Variants in SNRPA observed in about 807,000 individuals in gnomAD.
SNRPA encodes small nuclear ribonucleoprotein polypeptide A.
In SNRPA, 10 loss-of-function variants were observed where a neutral mutation model predicts 24.5. The ratio of observed to expected loss-of-function variants is 0.41; its 90% CI spans 0.25 to 0.69. The LOEUF (loss-of-function observed/expected upper bound fraction) is 0.69, where lower values mean the gene tolerates loss of function less well. SNRPA is among the 30% of genes least tolerant of loss of function. SNRPA has a pLI of 0.33. For missense variants in SNRPA, 283 were observed against 394.7 expected (o/e 0.72, Z 2.40); for synonymous variants, 165 against 148.4 (o/e 1.11, Z -0.81).
intron 5 of SNRPA, 78 bp downstream of exon 5, chr19:40,763,753 T>C: frequency 8.2e-7 from 1 of 1,215,300 alleles, no homozygotes; most frequent in Non-Finnish European, 1.2e-6. Flanking sequence ...GCCTCAGAAC[T>C]CTGCCAGCAG....
At chr19:40,764,704 G>GTTATTTT (rs2082946957) in intron 5 of SNRPA, among the ~76,000 whole-genome samples, 1 of 152,198 alleles carries the variant, frequency 6.6e-6, no homozygotes, top group Non-Finnish European at 1.5e-5. Flanking sequence ...GAGGGTATTG[G>GTTATTTT]TTATTTTTTT....
chr19:40,760,183 CA>C (rs1355390695), intron 3 of SNRPA, among the ~76,000 whole-genome samples: 3 of 152,128 alleles, frequency 2.0e-5, no homozygotes, highest in Non-Finnish European at 4.4e-5. Context: ...CCACTCCACC[CA>C]GCTAACTTTT....
chr19:40,760,120 A>G (rs974320878), intron 3 of SNRPA, among the ~76,000 whole-genome samples: 6 of 152,102 alleles, frequency 3.9e-5, no homozygotes, highest in African/African-American at 7.2e-5. Context: ...TCCGCCTCCC[A>G]GGCTCAAGTG....
At chr19:40,757,107 A>C in intron 1 of SNRPA, 3 of 550,712 alleles carry the variant, frequency 5.4e-6, no homozygotes, top group Middle Eastern at 5.0e-4. Flanking sequence ...ATGTATGTGC[A>C]CATGTTCATT....
chr19:40,763,572 C>G lies in SNRPA; in HGVS notation c.601-15C>G, dbSNP rs1416328956. 1 of 1,612,602 alleles carries G rather than the reference C, an allele frequency of 6.2e-7. No homozygotes were observed. The highest frequency in any genetic ancestry group is 1.1e-5 in the South Asian group (1 of 91,032). On this transcript the variant is annotated splice_polypyrimidine_tract_variant and intron_variant, in intron 4 of 5. Transcript: ENST00000243563. Reference sequence around the variant, plus strand: ...CAGGGCTCTTGTGCTCACCGACTCCCCTATACCCCCGCAGCTTTCTGAGAA... The same window carrying G: ...CAGGGCTCTTGTGCTCACCGACTCCGCTATACCCCCGCAGCTTTCTGAGAA...
rs1290243486 is a variant in SNRPA at position 40,762,963 on chromosome 19, C to T, written c.489C>T (p.Tyr163=). The T allele has an allele frequency of 6.2e-7, 1 of 1,613,748 alleles. No homozygotes were observed. The highest frequency in any genetic ancestry group is 1.1e-5 in the South Asian group (1 of 91,072). ...ACCACATGCCGGGCCAGCCGCCCTA[C>T]ATGCCGCCCCCTGGTATGATCCCCC... ...IMHHMPGQPP[Y]MPPPGMIPPP... is the part of the protein sequence containing the mutation. Residue 163 remains tyrosine (Y), a synonymous_variant, in exon 4 of 6, where the codon TAC becomes TAT. Coordinates refer to ENST00000243563, the MANE Select transcript of SNRPA (RefSeq NM_004596.5).
intron 1 of SNRPA, chr19:40,757,118 A>G (rs1450645416): frequency 1.8e-6 from 1 of 568,790 alleles, no homozygotes; most frequent in Admixed American, 3.1e-5. Flanking sequence ...CATGTTCATT[A>G]TATAGCAGCT....
Position 40,757,520 on chromosome 19 carries a change from A to G in SNRPA, c.246+16A>G, listed in dbSNP as rs999988664. On this transcript the variant is annotated intron_variant, in intron 2 of 5. Transcript: ENST00000243563. ...CAAACCTATGGTGAGCATTGCGGGT[A>G]CGGAGGCTGTGTGGGTGTGTAAAAT... is the stretch of plus-strand genomic sequence containing the variant. 1 of 1,600,694 alleles carries G rather than the reference A, an allele frequency of 6.2e-7. No individual in the cohort carries two copies. Among genetic ancestry groups the G allele is most frequent in the Non-Finnish European group, 8.5e-7 (1 of 1,172,724 alleles).
At chr19:40,751,810 T>C (rs1050059335) in intron 1 of SNRPA, among the ~76,000 whole-genome samples, 8 of 152,140 alleles carry the variant, frequency 5.3e-5, no homozygotes, top group Non-Finnish European at 4.4e-5. Context: ...CTCTGAGCTG[T>C]CGTGGGGCTC....
rs1436573188 is a variant in SNRPA at position 40,753,382 on chromosome 19, ATGTTTTTTTT to A, written c.73+1903_73+1912del. On this transcript the variant is annotated intron_variant, in intron 1 of 5. Coordinates refer to ENST00000243563, the MANE Select transcript of SNRPA (RefSeq NM_004596.5). Reference sequence around the variant, plus strand: ...AAAATCAGGAGTGTAAATTTTGCATATGTTTTTTTTTTTTTTTTTTTTTTTTTTTTTTGAG... The same window carrying A: ...AAAATCAGGAGTGTAAATTTTGCATATTTTTTTTTTTTTTTTTTTTTTGAG... Among the ~76,000 whole-genome samples, 45 of 62,210 alleles carry A rather than the reference ATGTTTTTTTT, an allele frequency of 7.2e-4. 1 individual carries two copies. The highest frequency in any genetic ancestry group is 1.8e-3 in the African/African-American group (33 of 18,304). The allele number at this position is 62,210 out of a possible 152,430, so 40.8% of individuals were successfully genotyped here. A position where few individuals can be genotyped will look rare whatever the true frequency, so the allele number is the denominator to read the frequency against.
intron 1 of SNRPA, among the ~76,000 whole-genome samples, chr19:40,751,899 G>C (rs1351350647): frequency 6.6e-6 from 1 of 152,192 alleles, no homozygotes; most frequent in Non-Finnish European, 1.5e-5. Flanking sequence ...TCAGTGATCA[G>C]CCCACAATGA....
In SNRPA at chr19:40,751,218, C is replaced by G; in HGVS notation, c.-191C>G. 3.2e-6 allele frequency: 2 copies of G among 615,462 alleles called. No individual in the cohort carries two copies. Among genetic ancestry groups the G allele is most frequent in the East Asian group, 2.7e-5 (1 of 37,408 alleles). 38.1% of individuals were successfully genotyped at this position (615,462 alleles called of 1,614,324 possible). The stretch of plus-strand genomic sequence containing the variant: ...CTCGAGAGTTCTCTCCGCACGCGGG[C>G]TGGAGAAGCGGGTCCTACGCACGCT... On this transcript the variant is annotated 5_prime_UTR_variant, in exon 1 of 6. Transcript: ENST00000243563.
rs570491066 is a variant in SNRPA at position 40,756,369 on chromosome 19, G to T, written c.74-963G>T. Among the ~76,000 whole-genome samples, 6 of 152,168 alleles carry T rather than the reference G, an allele frequency of 3.9e-5. No individual in the cohort carries two copies. In the East Asian group the frequency reaches 9.7e-4, roughly 25 times the overall value. ...CCAGCACTTTCGGAGGCCAAGGTGG[G>T]CTAATTGCTGAAGCTCAGGAGTTCA... On this transcript the variant is annotated intron_variant, in intron 1 of 5. Transcript: ENST00000243563.
At position 40,759,529 on chromosome 19, in the gene SNRPA, C is replaced by T. The variant is rs1404479783; in HGVS notation, c.345C>T (p.Ser115=). 6.2e-7 allele frequency: 1 copy of T among 1,613,986 alleles called. No homozygotes were observed. Among genetic ancestry groups the T allele is most frequent in the South Asian group, 1.1e-5 (1 of 91,064 alleles). ...AGCGGGAGAAGAGGAAGCCCAAGAGCCAGGAGACCCCGGCCACCAAGAAGG... is the reference window on the plus strand; with the variant it reads ...AGCGGGAGAAGAGGAAGCCCAAGAGTCAGGAGACCCCGGCCACCAAGAAGG... ...DRKREKRKPK[S]QETPATKKAV... is the part of the protein sequence containing the mutation. Residue 115 remains serine (S), a synonymous_variant, in exon 3 of 6, where the codon AGC becomes AGT. Transcript: ENST00000243563.
intron 1 of SNRPA, among the ~76,000 whole-genome samples, chr19:40,753,382 ATGTTTTTTTTT>A (rs1375977019): frequency 0.049 from 3,068 of 62,134 alleles, 175 homozygotes; most frequent in African/African-American, 0.16. Flanking sequence ...AATTTTGCAT[ATGTTTTTTTTT>A]TTTTTTTTTT....
At chr19:40,759,637 T>G (rs2082923308) in intron 3 of SNRPA, 27 bp downstream of exon 3, 1 of 1,574,692 alleles carries the variant, frequency 6.4e-7, no homozygotes, top group African/African-American at 1.4e-5. Context: ...AGACCAACCC[T>G]CCCACTGCCA....
chr19:40,764,326 G>A lies in SNRPA; in HGVS notation c.689+651G>A, dbSNP rs546004266. ...CGTGGCACTTAGAAGAACAGAAAGC[G>A]CAACTTTATAATAGTGCCGAGAGAA... On this transcript the variant is annotated intron_variant, in intron 5 of 5. Transcript: ENST00000243563. Among the ~76,000 whole-genome samples the A allele has an allele frequency of 2.3e-3, 352 of 152,226 alleles. 2 individuals carry two copies. The highest frequency in any genetic ancestry group is 8.1e-3 in the African/African-American group (338 of 41,516).
Position 40,757,414 on chromosome 19 carries a change from G to C in SNRPA, c.156G>C (p.Arg52Ser). The C allele has an allele frequency of 6.2e-7, 1 of 1,614,068 alleles. No individual in the cohort carries two copies. Among genetic ancestry groups the C allele is most frequent in the East Asian group, 2.2e-5 (1 of 44,888 alleles). The change falls in exon 2 of 6, where the codon AGG becomes AGC. Residue 52 changes from arginine to serine, a missense_variant. This residue lies in a region of SNRPA where 18 missense variants were observed against 18.9 expected (regional missense o/e 0.95). Coordinates refer to ENST00000243563, the MANE Select transcript of SNRPA (RefSeq NM_004596.5). ...TGGTATCACGGAGCCTGAAGATGAG[G>C]GGCCAGGCCTTTGTCATCTTCAAGG... The part of the protein sequence containing the change: ...DILVSRSLKM[R>S]GQAFVIFKEV...
At chr19:40,752,625 G>A (rs1022169616) in intron 1 of SNRPA, among the ~76,000 whole-genome samples, 45 of 149,354 alleles carry the variant, frequency 3.0e-4, no homozygotes, top group Non-Finnish European at 5.8e-4. Flanking sequence ...GGTGGGGTGC[G>A]TCTGTGGTCC....
Sources: allele counts gnomAD v4.1 joint callset (sites outside exome capture counted in the v4.1 genomes callset), GRCh38; gene constraint gnomAD v4.1.1; regional missense constraint gnomAD v4.1.1; transcripts MANE v1.5; gene names NCBI Gene and HGNC (gene_info 2026-07-23, HGNC 2026-07-21).